Variants in GLIS1 observed in about 807,000 individuals in gnomAD.
GLIS1 encodes GLIS family zinc finger 1.
A neutral mutation model predicts 63.8 loss-of-function variants in GLIS1; 24 were observed. The ratio of observed to expected loss-of-function variants is 0.38; its 90% confidence interval spans 0.27 to 0.53. GLIS1 has a LOEUF of 0.53. GLIS1 is among the 20% of genes least tolerant of loss of function. The pLI, the probability that GLIS1 is intolerant of heterozygous loss-of-function variation, is 0.85. For synonymous variants in GLIS1, 450 were observed against 482.5 expected (o/e 0.93, Z 0.88); for missense variants, 1,036 against 1,074.1 (o/e 0.96, Z 0.50).
chr1:53,638,647 A>G (rs1488109197), intron 2 of GLIS1, among the ~76,000 whole-genome samples: 1 of 152,196 alleles, frequency 6.6e-6, no homozygotes, highest in East Asian at 1.9e-4. Flanking sequence ...CAGAGAGTCC[A>G]GTGTCCATGT....
At chr1:53,524,034 A>G (rs1443736796) in intron 6 of GLIS1, among the ~76,000 whole-genome samples, 3 of 152,110 alleles carry the variant, frequency 2.0e-5, no homozygotes, top group Non-Finnish European at 4.4e-5. Context: ...GAACACATAC[A>G]CCAATTTCTG....
chr1:53,557,048 G>A (rs1644842191), intron 4 of GLIS1, among the ~76,000 whole-genome samples: 1 of 151,872 alleles, frequency 6.6e-6, no homozygotes, highest in Non-Finnish European at 1.5e-5. Context: ...ATGTGTGTGA[G>A]TGTGTTCAGG....
chr1:53,596,557 C>T (rs1645257171), intron 3 of GLIS1, among the ~76,000 whole-genome samples: 1 of 152,328 alleles, frequency 6.6e-6, no homozygotes, highest in African/African-American at 2.4e-5. Flanking sequence ...CCGTGACAGC[C>T]CTCTGCGAAG....
At chr1:53,700,151 T>C (rs1646507352) in intron 2 of GLIS1, among the ~76,000 whole-genome samples, 1 of 152,096 alleles carries the variant, frequency 6.6e-6, no homozygotes, top group South Asian at 2.1e-4. Context: ...CTACCTCAAA[T>C]GGGAACATCT....
At chr1:53,565,758 C>A (rs12728042) in intron 4 of GLIS1, among the ~76,000 whole-genome samples, 1 of 151,674 alleles carries the variant, frequency 6.6e-6, no homozygotes. Flanking sequence ...GCAAGTTTAC[C>A]AAATGTTCAA....
At chr1:53,578,842 A>G (rs992909819) in intron 4 of GLIS1, among the ~76,000 whole-genome samples, 2 of 152,204 alleles carry the variant, frequency 1.3e-5, no homozygotes, top group Admixed American at 1.3e-4. Context: ...GCAGAGTAGA[A>G]CATTGCAACA....
intron 2 of GLIS1, among the ~76,000 whole-genome samples, chr1:53,707,212 G>A (rs761714426): frequency 3.3e-5 from 5 of 152,154 alleles, no homozygotes; most frequent in Non-Finnish European, 5.9e-5. Flanking sequence ...AGATAAGGAT[G>A]AGGTATGGGA....
rs1378581948 is a variant in GLIS1, at chr1:53,560,063, G to A, written c.1321-30111C>T. Among the ~76,000 whole-genome samples the A allele has an allele frequency of 5.9e-5, 9 of 152,136 alleles. No homozygotes were observed. The highest frequency in any genetic ancestry group is 2.2e-4 in the African/African-American group (9 of 41,426). On this transcript the variant is annotated intron_variant, in intron 4 of 10. Coordinates refer to ENST00000628545, the MANE Select transcript of GLIS1 (RefSeq NM_001367484.1). The surrounding 1 kb of genome is among the most constrained non-coding windows in gnomAD (Gnocchi z 4.4). Reference sequence around the variant, plus strand: ...ACTTCCCAGGCAGGATTAGAGGCCCGTAGACTCCCACAGCTGCATGCCTAG... The same window carrying A: ...ACTTCCCAGGCAGGATTAGAGGCCCATAGACTCCCACAGCTGCATGCCTAG...
At chr1:53,737,546 C>T (rs1390952789) in intron 2 of GLIS1, among the ~76,000 whole-genome samples, 1 of 152,242 alleles carries the variant, frequency 6.6e-6, no homozygotes, top group African/African-American at 2.4e-5. Flanking sequence ...CAAGCTTTAT[C>T]AGAAACACAC....
chr1:53,704,457 G>T (rs1646556149), intron 2 of GLIS1, among the ~76,000 whole-genome samples: 1 of 152,226 alleles, frequency 6.6e-6, no homozygotes, highest in South Asian at 2.1e-4. Flanking sequence ...TGACCTCAGG[G>T]GGTCTTTTAA....
chr1:53,665,624 G>A (rs530698409), intron 2 of GLIS1, among the ~76,000 whole-genome samples: 2 of 152,156 alleles, frequency 1.3e-5, no homozygotes, highest in Non-Finnish European at 2.9e-5. Context: ...ACTCCAGCCT[G>A]GGCAGCATAG....
chr1:53,662,711 CCA>C (rs1646042308), intron 2 of GLIS1, among the ~76,000 whole-genome samples: 1 of 152,116 alleles, frequency 6.6e-6, no homozygotes, highest in South Asian at 2.1e-4. Context: ...ATTATCCCTC[CCA>C]CCCTCACCTC....
intron 2 of GLIS1, among the ~76,000 whole-genome samples, chr1:53,678,540 C>T (rs910069071): frequency 1.3e-5 from 2 of 152,028 alleles, no homozygotes; most frequent in Admixed American, 6.6e-5. Flanking sequence ...GGTACCTGCA[C>T]CCCCAGCCAT....
intron 2 of GLIS1, among the ~76,000 whole-genome samples, chr1:53,674,782 G>A (rs932589151): frequency 3.3e-5 from 5 of 152,152 alleles, no homozygotes; most frequent in Non-Finnish European, 7.3e-5. Flanking sequence ...TTCACATAAG[G>A]GATGCTAGGC....
chr1:53,538,038 G>A (rs1363768903), intron 4 of GLIS1, among the ~76,000 whole-genome samples: 2 of 152,240 alleles, frequency 1.3e-5, no homozygotes, highest in African/African-American at 4.8e-5. Flanking sequence ...GCTGGGCACT[G>A]AGGGCCGCTC....
intron 2 of GLIS1, among the ~76,000 whole-genome samples, chr1:53,721,684 T>C (rs1415200759): frequency 6.6e-6 from 1 of 152,160 alleles, no homozygotes; most frequent in Admixed American, 6.5e-5. Context: ...ATGTTTGGCA[T>C]TATTTTGCTA....
intron 6 of GLIS1, 148 bp downstream of exon 6, chr1:53,524,629 G>C: frequency 1.6e-6 from 1 of 634,814 alleles, no homozygotes; most frequent in Non-Finnish European, 2.8e-6. Context: ...GGAAGTGGAC[G>C]GACGGACGAA....
chr1:53,709,403 T>TATATATAC (rs1553140190), intron 2 of GLIS1, among the ~76,000 whole-genome samples: 317 of 15,156 alleles, frequency 0.021, 9 homozygotes, highest in Non-Finnish European at 0.053. Flanking sequence ...TACATATACA[T>TATATATAC]ATATATATAC....
intron 1 of GLIS1, among the ~76,000 whole-genome samples, 93 bp downstream of exon 1, chr1:53,739,012 G>C (rs1354765718): frequency 6.6e-6 from 1 of 152,076 alleles, no homozygotes; most frequent in Non-Finnish European, 1.5e-5. Flanking sequence ...CCATCCCCAA[G>C]CTGCCGGGGT....
Sources: gnomAD v4.1 joint callset for allele counts (sites outside exome capture counted in the v4.1 genomes callset) on GRCh38, gnomAD v4.1.1 for gene constraint, Gnocchi (gnomAD v3.1) non-coding constraint, MANE v1.5 for transcripts, NCBI Gene and HGNC (gene_info 2026-07-23, HGNC 2026-07-21) for gene names.